Variants in PHLDB3 observed in about 807,000 individuals in gnomAD.
PHLDB3 encodes the protein pleckstrin homology like domain family B member 3.
A neutral mutation model predicts 85.7 loss-of-function variants in PHLDB3; 86 were observed. The ratio of observed to expected loss-of-function variants is 1.00; its 90% CI spans 0.84 to 1.20. The LOEUF (loss-of-function observed/expected upper bound fraction) is 1.20, where lower values mean the gene tolerates loss of function less well. Among genes scored for constraint, PHLDB3 ranks in the 50% most tolerant of loss-of-function variants. The pLI, the probability that PHLDB3 is intolerant of heterozygous loss-of-function variation, is 0.00. For missense variants in PHLDB3, 995 were observed against 873.0 expected (o/e 1.14, Z -1.76); for synonymous variants, 376 against 349.8 (o/e 1.07, Z -0.83).
intron 13 of PHLDB3, among the ~76,000 whole-genome samples, chr19:43,482,662 C>T (rs1971072201): frequency 6.6e-6 from 1 of 152,136 alleles, no homozygotes; most frequent in African/African-American, 2.4e-5. Context: ...CTCAGCCTCT[C>T]GGGTAGCTGT....
chr19:43,479,456 C>T lies in PHLDB3; in HGVS notation c.1623G>A (p.Lys541=), dbSNP rs1321526011. ...TCCAGGTCTTGATGCGGCCGCCCATCTTCACCAGGGGTCCACGGCAGCAGC... is the reference window on the plus strand; with the variant it reads ...TCCAGGTCTTGATGCGGCCGCCCATTTTCACCAGGGGTCCACGGCAGCAGC... ...SGCCCRGPLV[K]MGGRIKTWRK... is the part of the protein sequence containing the mutation. Residue 541 remains lysine (K), a synonymous_variant, in exon 14 of 16, where the codon AAG becomes AAA. Coordinates refer to ENST00000292140, the MANE Select transcript of PHLDB3 (RefSeq NM_198850.4). 7 of 1,565,696 alleles carry T rather than the reference C, an allele frequency of 4.5e-6. No individual in the cohort carries two copies. The highest frequency in any genetic ancestry group is 6.1e-6 in the Non-Finnish European group (7 of 1,155,594).
chr19:43,496,474 G>A (rs1396928311), intron 6 of PHLDB3: 1 of 152,202 alleles, frequency 6.6e-6, no homozygotes, highest in Admixed American at 6.6e-5. Context: ...ATGTGGTGGT[G>A]AATACCAAGT....
At chr19:43,502,011 C>T in intron 3 of PHLDB3, 90 bp downstream of exon 3, 1 of 1,501,220 alleles carries the variant, frequency 6.7e-7, no homozygotes, top group East Asian at 2.5e-5. Flanking sequence ...GGCCTAAAAT[C>T]TGATCCCACC....
At chr19:43,481,206 G>A (rs556737632) in intron 13 of PHLDB3, among the ~76,000 whole-genome samples, 3 of 152,316 alleles carry the variant, frequency 2.0e-5, no homozygotes, top group East Asian at 3.9e-4. Flanking sequence ...AGCAGGATGG[G>A]TGCGGTGGCT....
In PHLDB3 at chr19:43,501,734, C is replaced by A; in HGVS notation, c.534G>T (p.Gln178His). Residue 178 changes from glutamine (Q) to histidine (H), a missense_variant and splice_region_variant, in exon 4 of 16, where the codon CAG (glutamine) becomes CAT (histidine). Transcript: ENST00000292140. ...SEQRGRQQRE[Q>H]EQRRLSQERD... ...TGAAGACCCGGTGAGCCAAACAGAC[C>A]TGTTCCCGCTGCTGGCGGCCGCGCT... 1 of 1,583,372 alleles carries A rather than the reference C, an allele frequency of 6.3e-7. No individual in the cohort carries two copies. Among genetic ancestry groups the A allele is most frequent in the East Asian group, 2.3e-5 (1 of 43,648 alleles).
At chr19:43,477,190 G>A (rs1473500305) in intron 15 of PHLDB3, among the ~76,000 whole-genome samples, 1 of 152,144 alleles carries the variant, frequency 6.6e-6, no homozygotes, top group Non-Finnish European at 1.5e-5. Context: ...ATCAGAGTCT[G>A]CCATATTTTG....
rs146907529 is a variant in PHLDB3 at position 43,495,251 on chromosome 19, C to T, written c.1035+5G>A. ...GGGACTGAGAGGCATACAAAATCCC[C>T]ATACCTTAGTGAGGGCCGGGTTGGG... On this transcript the variant is annotated splice_donor_5th_base_variant and intron_variant, in intron 8 of 15. Coordinates refer to ENST00000292140, the MANE Select transcript of PHLDB3 (RefSeq NM_198850.4). 1,435 of 1,613,362 alleles carry T rather than the reference C, an allele frequency of 8.9e-4. 14 individuals are homozygous for T. In the African/African-American group the frequency reaches 0.013, roughly 15 times the overall value.
chr19:43,478,208 C>T (rs1316652597), intron 14 of PHLDB3, 76 bp from the exon 15 acceptor site: 9 of 1,138,832 alleles, frequency 7.9e-6, no homozygotes, highest in Non-Finnish European at 1.2e-5. Context: ...GGGTCATTGG[C>T]CCTAAGTCCT....
At chr19:43,498,009 G>T in intron 4 of PHLDB3, 133 bp from the exon 5 acceptor site, 2 of 1,352,112 alleles carry the variant, frequency 1.5e-6, no homozygotes, top group Non-Finnish European at 9.8e-7. Context: ...TCACTCCTGT[G>T]CAGGCCTGCC....
intron 15 of PHLDB3, among the ~76,000 whole-genome samples, chr19:43,476,641 C>G (rs1290204627): frequency 2.0e-5 from 3 of 151,244 alleles, no homozygotes; most frequent in African/African-American, 7.3e-5. Flanking sequence ...CCAGCCTGGT[C>G]TATGGAGCAA....
At position 43,487,585 on chromosome 19, in the gene PHLDB3, A is replaced by AAAAAC. The variant is rs1568477404; in HGVS notation, c.1150-463_1150-462insGTTTT. Among the ~76,000 whole-genome samples, 2 of 141,632 alleles carry AAAAAC rather than the reference A, an allele frequency of 1.4e-5. 1 individual carries two copies. Among genetic ancestry groups the AAAAAC allele is most frequent in the Non-Finnish European group, 3.1e-5 (2 of 65,364 alleles). 92.9% of individuals were successfully genotyped at this position (141,632 alleles called of 152,430 possible). ...GCAAGACTCTGTCTCAAAAAAAAAA[A>AAAAAC]AAAAAAACACAGAAAAGAAAAAAAG... On this transcript the variant is annotated intron_variant, in intron 9 of 15. Coordinates refer to ENST00000292140, the MANE Select transcript of PHLDB3 (RefSeq NM_198850.4).
At chr19:43,501,957 G>A in intron 3 of PHLDB3, 86 bp from the exon 4 acceptor site, 7 of 1,487,590 alleles carry the variant, frequency 4.7e-6, no homozygotes, top group Non-Finnish European at 6.3e-6. Flanking sequence ...TTCGAAGGGA[G>A]GATGGACTCC....
rs1226805913 is a variant in PHLDB3, at chr19:43,486,864, A to AG, written c.1255dup (p.Leu419ProfsTer29). 2 of 1,556,634 alleles carry AG rather than the reference A, an allele frequency of 1.3e-6. No homozygotes were observed. Among genetic ancestry groups the AG allele is most frequent in the Admixed American group, 1.9e-5 (1 of 53,826 alleles). ...TGCTGGCGGGAGAGCTGAGGCCTCC[A>AG]GGGATTCTAGGGTAGAGGGGACCAG... On this transcript the variant is annotated frameshift_variant, in exon 11 of 16. Transcript: ENST00000292140. LOFTEE classifies it high-confidence loss of function.
intron 15 of PHLDB3, among the ~76,000 whole-genome samples, chr19:43,477,099 C>T (rs1483463812): frequency 6.6e-6 from 1 of 152,208 alleles, no homozygotes; most frequent in Non-Finnish European, 1.5e-5. Flanking sequence ...GCCACGACGC[C>T]TGGCAGATCA....
At chr19:43,491,590 C>G (rs1183957777) in intron 9 of PHLDB3, among the ~76,000 whole-genome samples, 3 of 151,842 alleles carry the variant, frequency 2.0e-5, no homozygotes, top group Non-Finnish European at 4.4e-5. Flanking sequence ...AAACCTCCAT[C>G]TCCTGGGTTC....
At chr19:43,487,209 A>C (rs1971191053) in intron 9 of PHLDB3, 86 bp from the exon 10 acceptor site, 15 of 1,101,718 alleles carry the variant, frequency 1.4e-5, no homozygotes, top group Non-Finnish European at 1.2e-5. Context: ...GCCACCACCC[A>C]GTCAGCACAA....
At chr19:43,494,333 G>T (rs1241364771) in intron 9 of PHLDB3, among the ~76,000 whole-genome samples, 6 of 149,322 alleles carry the variant, frequency 4.0e-5, no homozygotes, top group Admixed American at 1.3e-4. Flanking sequence ...TAAATGAGCT[G>T]CCCCCCCACC....
Position 43,502,224 on chromosome 19 carries a change from C to G in PHLDB3, c.273G>C (p.Arg91=), listed in dbSNP as rs1426925043. Residue 91 remains arginine (R), a synonymous_variant, in exon 3 of 16, where the codon CGG becomes CGC. Coordinates refer to ENST00000292140, the MANE Select transcript of PHLDB3 (RefSeq NM_198850.4). ...GCCGCGCCGCCCCTCGCACCCCTTC[C>G]CGCGAAGAGGTGGATGCGGGAGGTG... The part of the protein sequence containing the change: ...AATPPASTSS[R]EGVRGAARRL... 1.3e-6 allele frequency: 2 copies of G among 1,563,794 alleles called. No individual in the cohort carries two copies. The highest frequency in any genetic ancestry group is 1.7e-6 in the Non-Finnish European group (2 of 1,155,346).
intron 2 of PHLDB3, among the ~76,000 whole-genome samples, chr19:43,502,919 G>C (rs1182151283): frequency 6.6e-6 from 1 of 152,028 alleles, no homozygotes; most frequent in Non-Finnish European, 1.5e-5. Context: ...TTCTCTTGGC[G>C]TCACTTTCTT....
Sources: gnomAD v4.1 joint callset for allele counts (sites outside exome capture counted in the v4.1 genomes callset) on GRCh38, gnomAD v4.1.1 for gene constraint, MANE v1.5 for transcripts, NCBI Gene and HGNC (gene_info 2026-07-23, HGNC 2026-07-21) for gene names.